Variants in FNDC3B observed in about 807,000 individuals in gnomAD.
The protein encoded by FNDC3B is fibronectin type III domain containing 3B.
FNDC3B carries 12 observed loss-of-function variants against 151.5 expected under a neutral mutation model. That is an observed-to-expected ratio of 0.08 (90% CI 0.05 to 0.13). The LOEUF is 0.13. Ranked by LOEUF, FNDC3B falls within the 10% of genes least tolerant of loss-of-function variation. The pLI, the probability that FNDC3B is intolerant of heterozygous loss-of-function variation, is 1.00. For missense variants in FNDC3B, 1,214 were observed against 1,505.3 expected, an observed-to-expected ratio of 0.81 and a Z score of 3.20; for synonymous variants, 528 against 549.0, an observed-to-expected ratio of 0.96 and a Z score of 0.54.
intron 25 of FNDC3B, among the ~76,000 whole-genome samples, chr3:172,389,584 G>A (rs1448891985): frequency 6.6e-6 from 1 of 152,134 alleles, no homozygotes; most frequent in Non-Finnish European, 1.5e-5. Context: ...CTGTTCACGT[G>A]TGGGGGGGTG....
chr3:172,203,015 T>C (rs534276317), intron 3 of FNDC3B, among the ~76,000 whole-genome samples: 2 of 152,284 alleles, frequency 1.3e-5, no homozygotes, highest in South Asian at 4.1e-4. Context: ...AAGCCGGCCA[T>C]GGGCTGGCAG....
intron 1 of FNDC3B, among the ~76,000 whole-genome samples, chr3:172,041,127 A>G (rs551324884): frequency 2.0e-5 from 3 of 152,266 alleles, no homozygotes; most frequent in Non-Finnish European, 4.4e-5. Flanking sequence ...GCTGGGGCCA[A>G]AAATCCACAG....
At chr3:172,315,659 T>C (rs1035003590) in intron 11 of FNDC3B, among the ~76,000 whole-genome samples, 1 of 152,224 alleles carries the variant, frequency 6.6e-6, no homozygotes, top group Non-Finnish European at 1.5e-5. Context: ...ACTTGAACGT[T>C]AGATGAGTCA....
chr3:172,342,644 A>G (rs1733385612), intron 17 of FNDC3B, among the ~76,000 whole-genome samples: 1 of 152,154 alleles, frequency 6.6e-6, no homozygotes, highest in South Asian at 2.1e-4. Flanking sequence ...ACCATTTTAA[A>G]ATTTCATCCA....
At chr3:172,076,219 G>T (rs1296402947) in intron 1 of FNDC3B, among the ~76,000 whole-genome samples, 2 of 152,098 alleles carry the variant, frequency 1.3e-5, no homozygotes, top group African/African-American at 4.8e-5. Context: ...TCCTACTAAT[G>T]TCATTATATT....
rs918328519 is a variant in FNDC3B at position 172,040,830 on chromosome 3, C to T, written c.-29+1059C>T. On this transcript the variant is annotated intron_variant, in intron 1 of 25. Coordinates refer to ENST00000415807, the MANE Select transcript of FNDC3B (RefSeq NM_022763.4). This position sits in a 1 kb window ranked among gnomAD's most constrained non-coding sequence, Gnocchi z 6.6. ...CGAACTTTCCCAGAGGTCCGGGTCC[C>T]GGCGTCCCGTGGGAACCGGAGGACC... Among the ~76,000 whole-genome samples, 2 of 151,944 alleles carry T rather than the reference C, an allele frequency of 1.3e-5. No individual in the cohort carries two copies. Among genetic ancestry groups the T allele is most frequent in the African/African-American group, 4.8e-5 (2 of 41,398 alleles).
chr3:172,400,580 T>G lies in FNDC3B; in HGVS notation c.*3105T>G, dbSNP rs1352199177. On this transcript the variant is annotated 3_prime_UTR_variant, in exon 26 of 26. Transcript: ENST00000415807. ...TATTTCATATACATTGTATTAAAACTGCCATATCAATTTTAATGTATAGAT... is the reference window on the plus strand; with the variant it reads ...TATTTCATATACATTGTATTAAAACGGCCATATCAATTTTAATGTATAGAT... 2 of 152,636 alleles carry G rather than the reference T, an allele frequency of 1.3e-5. No homozygotes were observed. The highest frequency in any genetic ancestry group is 4.8e-5 in the African/African-American group (2 of 41,450). 9.5% of individuals were successfully genotyped at this position (152,636 alleles called of 1,614,324 possible).
chr3:172,198,063 AT>A (rs540996876), intron 3 of FNDC3B, among the ~76,000 whole-genome samples: 141 of 152,210 alleles, frequency 9.3e-4, no homozygotes, highest in Non-Finnish European at 1.5e-3. Flanking sequence ...ATACATTACT[AT>A]TTTTTTAATG....
intron 16 of FNDC3B, among the ~76,000 whole-genome samples, chr3:172,340,758 G>A (rs1427969108): frequency 6.6e-6 from 1 of 152,126 alleles, no homozygotes; most frequent in Non-Finnish European, 1.5e-5. Context: ...GGCTGCCCCT[G>A]AGGCCTCCTC....
At chr3:172,052,485 T>C (rs1335767618) in intron 1 of FNDC3B, among the ~76,000 whole-genome samples, 2 of 152,086 alleles carry the variant, frequency 1.3e-5, no homozygotes, top group Non-Finnish European at 2.9e-5. Flanking sequence ...GCTGAAAGAG[T>C]TGATTCTGTC....
chr3:172,390,811 C>T (rs567239337), intron 25 of FNDC3B, among the ~76,000 whole-genome samples: 1 of 152,274 alleles, frequency 6.6e-6, no homozygotes, highest in Non-Finnish European at 1.5e-5. Context: ...CTGTCCAGGT[C>T]TTTGCTTGGC....
intron 3 of FNDC3B, among the ~76,000 whole-genome samples, chr3:172,168,534 T>A (rs534673777): frequency 6.6e-6 from 1 of 152,276 alleles, no homozygotes; most frequent in South Asian, 2.1e-4. Context: ...TATGAGCGGT[T>A]GTTAAACATA....
At chr3:172,388,839 C>T (rs1325578503) in intron 25 of FNDC3B, among the ~76,000 whole-genome samples, 1 of 152,114 alleles carries the variant, frequency 6.6e-6, no homozygotes. Flanking sequence ...CAAGGCGGGG[C>T]AGGGAAAGTA....
chr3:172,385,528 A>ATAG (rs1448129671), intron 25 of FNDC3B, among the ~76,000 whole-genome samples: 1 of 151,704 alleles, frequency 6.6e-6, no homozygotes, highest in Non-Finnish European at 1.5e-5. Context: ...ATCACCCCTA[A>ATAG]TAGGATAATA....
rs934403052 is a variant in FNDC3B at position 172,352,365 on chromosome 3, T to C, written c.2515-438T>C. On this transcript the variant is annotated intron_variant, in intron 21 of 25. Transcript: ENST00000415807. This position sits in a 1 kb window ranked among gnomAD's most constrained non-coding sequence, Gnocchi z 4.2. ...TTGCTATTCCAGGACAGCTCTAGAC[T>C]TAAAAGTCAGATGAACCGGATTCCG... is the stretch of plus-strand genomic sequence containing the variant. Among the ~76,000 whole-genome samples the C allele has an allele frequency of 1.3e-5, 2 of 152,158 alleles. No homozygotes were observed. Among genetic ancestry groups the C allele is most frequent in the African/African-American group, 4.8e-5 (2 of 41,426 alleles).
intron 3 of FNDC3B, among the ~76,000 whole-genome samples, chr3:172,162,854 C>A (rs1722845820): frequency 6.6e-6 from 1 of 152,148 alleles, no homozygotes; most frequent in Admixed American, 6.5e-5. Flanking sequence ...ACCTTGACTT[C>A]TGATCATAGC....
At chr3:172,106,870 G>A (rs1719681557) in intron 1 of FNDC3B, among the ~76,000 whole-genome samples, 3 of 152,342 alleles carry the variant, frequency 2.0e-5, no homozygotes, top group African/African-American at 7.2e-5. Context: ...AAAGGAATAA[G>A]CTAGTTGCCT....
intron 4 of FNDC3B, among the ~76,000 whole-genome samples, chr3:172,240,194 A>C (rs1483787330): frequency 6.6e-6 from 1 of 152,102 alleles, no homozygotes; most frequent in Non-Finnish European, 1.5e-5. Flanking sequence ...TATACACAAA[A>C]TTGATCCTCC....
At chr3:172,107,206 TA>T (rs1469531172) in intron 1 of FNDC3B, among the ~76,000 whole-genome samples, 2 of 152,160 alleles carry the variant, frequency 1.3e-5, no homozygotes, top group African/African-American at 2.4e-5. Flanking sequence ...TATGTGTGGT[TA>T]GGGGGAGAGG....
Sources: gnomAD v4.1 joint callset for allele counts (sites outside exome capture counted in the v4.1 genomes callset) on GRCh38, gnomAD v4.1.1 for gene constraint, Gnocchi (gnomAD v3.1) non-coding constraint, MANE v1.5 for transcripts, NCBI Gene and HGNC (gene_info 2026-07-23, HGNC 2026-07-21) for gene names.